The following ST8SIA5 variants were observed in gnomAD, a reference collection of about 807,000 sequenced individuals.
ST8SIA5 encodes the protein ST8 alpha-N-acetyl-neuraminide alpha-2,8-sialyltransferase 5.
In ST8SIA5, 24 loss-of-function variants were observed where a neutral mutation model predicts 40.2. The ratio of observed to expected loss-of-function variants is 0.60; its 90% CI spans 0.43 to 0.84. ST8SIA5 has a LOEUF of 0.84. ST8SIA5 is among the 40% of genes least tolerant of loss of function. The probability of loss-of-function intolerance (pLI) is 0.00; values close to 1 mark genes in which losing one functional copy is unlikely to be tolerated. For missense variants in ST8SIA5, 465 were observed against 498.5 expected (o/e 0.93, Z 0.64); for synonymous variants, 198 against 201.8 (o/e 0.98, Z 0.16).
chr18:46,680,276 G>T lies in ST8SIA5; in HGVS notation c.897C>A (p.Ile299=). 1.9e-6 allele frequency: 3 copies of T among 1,614,226 alleles called. No individual in the cohort carries two copies. Among genetic ancestry groups the T allele is most frequent in the Non-Finnish European group, 2.5e-6 (3 of 1,180,044 alleles). The change falls in exon 7 of 7, where the codon ATC becomes ATA. Residue 299 remains isoleucine (I), a synonymous_variant. Transcript: ENST00000315087. The part of the protein sequence containing the change: ...WLSLGVRAKR[I]STGLILVTAA... ...CAGTGACCAGAATGAGGCCGGTGCTGATGCGCTTGGCGCGCACCCCCAGGC... is the reference window on the plus strand; with the variant it reads ...CAGTGACCAGAATGAGGCCGGTGCTTATGCGCTTGGCGCGCACCCCCAGGC...
chr18:46,684,840 G>T (rs1053634391), intron 5 of ST8SIA5, among the ~76,000 whole-genome samples: 55 of 152,286 alleles, frequency 3.6e-4, no homozygotes, highest in African/African-American at 1.3e-3. Context: ...TGGACACCAG[G>T]TTCCGTGGGA....
At chr18:46,742,536 G>A (rs1279217362) in intron 1 of ST8SIA5, among the ~76,000 whole-genome samples, 4 of 152,112 alleles carry the variant, frequency 2.6e-5, no homozygotes, top group Non-Finnish European at 5.9e-5. Context: ...TACCTGATAA[G>A]CGACTTATAC....
At position 46,671,935 on chromosome 18, in the gene ST8SIA5, C is replaced by A. The variant is rs2039311493; in HGVS notation, c.*8107G>T. The A allele has an allele frequency of 2.0e-5, 3 of 152,224 alleles. No homozygotes were observed. Among genetic ancestry groups the A allele is most frequent in the Non-Finnish European group, 4.4e-5 (3 of 68,098 alleles). 9.4% of individuals were successfully genotyped at this position (152,224 alleles called of 1,614,324 possible). ...TGAGCCTCCAAGTGCAGTCCCTGGA[C>A]CAGCATTGGCATCACCTGGGAACTT... On this transcript the variant is annotated 3_prime_UTR_variant, in exon 7 of 7. Coordinates refer to ENST00000315087, the MANE Select transcript of ST8SIA5 (RefSeq NM_013305.6).
chr18:46,747,410 G>A (rs927120574), intron 1 of ST8SIA5, among the ~76,000 whole-genome samples: 2 of 152,142 alleles, frequency 1.3e-5, no homozygotes, highest in African/African-American at 2.4e-5. Context: ...AGTGGGCAAA[G>A]GATATGAACA....
chr18:46,697,112 T>G (rs1232201234), intron 2 of ST8SIA5, among the ~76,000 whole-genome samples: 1 of 140,108 alleles, frequency 7.1e-6, no homozygotes, highest in South Asian at 2.4e-4. Context: ...ATCAGACTAT[T>G]AGTTCCTCTG....
chr18:46,750,615 A>G (rs1359167368), intron 1 of ST8SIA5, among the ~76,000 whole-genome samples: 1 of 151,910 alleles, frequency 6.6e-6, no homozygotes, highest in Admixed American at 6.6e-5. Context: ...AGACACCTCA[A>G]TCCTATCCCA....
rs1043663869 is a variant in ST8SIA5, at chr18:46,670,994, A to G, written c.*9048T>C. 2.0e-5 allele frequency: 3 copies of G among 152,224 alleles called. No individual in the cohort carries two copies. Among genetic ancestry groups the G allele is most frequent in the Non-Finnish European group, 2.9e-5 (2 of 68,040 alleles). The allele number at this position is 152,224 out of a possible 1,614,324, so 9.4% of individuals were successfully genotyped here. ...GCAAAATGGTTGGCCCTTGATACAC[A>G]GCTTTATAGCATCTATTTTCAGGGG... On this transcript the variant is annotated 3_prime_UTR_variant, in exon 7 of 7. Transcript: ENST00000315087.
At position 46,671,692 on chromosome 18, in the gene ST8SIA5, C is replaced by T. The variant is rs528772870; in HGVS notation, c.*8350G>A. 2.7e-4 allele frequency: 41 copies of T among 152,354 alleles called. No homozygotes were observed. The highest frequency in any genetic ancestry group is 9.1e-4 in the African/African-American group (38 of 41,578). 9.4% of individuals were successfully genotyped at this position (152,354 alleles called of 1,614,324 possible). A position where few individuals can be genotyped will look rare whatever the true frequency, so the allele number is the denominator to read the frequency against. ...CTTAATTCAGGCAGACTCTGAGGCT[C>T]CTAGCCCCGGGAGAAGAAATCTATG... On this transcript the variant is annotated 3_prime_UTR_variant, in exon 7 of 7. Coordinates refer to ENST00000315087, the MANE Select transcript of ST8SIA5 (RefSeq NM_013305.6).
intron 1 of ST8SIA5, among the ~76,000 whole-genome samples, chr18:46,745,807 A>G (rs535371912): frequency 1.1e-4 from 16 of 152,226 alleles, no homozygotes; most frequent in Non-Finnish European, 2.1e-4. Flanking sequence ...CATCGATGCA[A>G]AAGTCCTCAA....
chr18:46,733,073 C>G (rs2040000433), intron 1 of ST8SIA5, among the ~76,000 whole-genome samples: 1 of 152,182 alleles, frequency 6.6e-6, no homozygotes, highest in Non-Finnish European at 1.5e-5. Context: ...AGGGCCAGCA[C>G]AGCCCAGGGG....
At chr18:46,711,727 G>C (rs1482049434) in intron 1 of ST8SIA5, among the ~76,000 whole-genome samples, 1 of 152,202 alleles carries the variant, frequency 6.6e-6, no homozygotes, top group African/African-American at 2.4e-5. Flanking sequence ...AGAGAGGCAA[G>C]AACAGCTCAG....
At chr18:46,697,278 T>C (rs977007168) in intron 2 of ST8SIA5, among the ~76,000 whole-genome samples, 3 of 152,168 alleles carry the variant, frequency 2.0e-5, no homozygotes, top group African/African-American at 7.2e-5. Context: ...AAGGGTCACC[T>C]GGTCAACCTG....
intron 1 of ST8SIA5, among the ~76,000 whole-genome samples, chr18:46,729,974 T>C (rs1053879914): frequency 1.3e-5 from 2 of 151,960 alleles, no homozygotes; most frequent in African/African-American, 4.8e-5. Context: ...TCCCAGAAAT[T>C]GTTAGTTCTC....
At chr18:46,703,285 A>C (rs1046431383) in intron 2 of ST8SIA5, among the ~76,000 whole-genome samples, 1 of 152,142 alleles carries the variant, frequency 6.6e-6, no homozygotes, top group South Asian at 2.1e-4. Context: ...AGCTGGGACT[A>C]CAGGCGCCTG....
intron 1 of ST8SIA5, chr18:46,721,535 G>A: frequency 7.4e-7 from 1 of 1,346,250 alleles, no homozygotes; most frequent in Non-Finnish European, 1.0e-6. Flanking sequence ...CTACCAGAGA[G>A]CCACATTCTG....
chr18:46,689,849 A>C (rs1278625290), intron 3 of ST8SIA5, among the ~76,000 whole-genome samples: 1 of 151,264 alleles, frequency 6.6e-6, no homozygotes, highest in Non-Finnish European at 1.5e-5. Flanking sequence ...TCAGACTCCC[A>C]AAGTGCTGGG....
In ST8SIA5 at chr18:46,756,551, G is replaced by T; in HGVS notation, c.-43C>A. Reference sequence around the variant, plus strand: ...GCGGGCGCGGGGTACGGGGCGGCCAGGCAATGACTCGCGGGGTTCCGGGGC... The same window carrying T: ...GCGGGCGCGGGGTACGGGGCGGCCATGCAATGACTCGCGGGGTTCCGGGGC... On this transcript the variant is annotated 5_prime_UTR_variant, in exon 1 of 7. The change creates a new upstream start codon in the 5' untranslated region. Transcript: ENST00000315087. The T allele has an allele frequency of 6.2e-7, 1 of 1,604,912 alleles. No individual in the cohort carries two copies. The highest frequency in any genetic ancestry group is 8.5e-7 in the Non-Finnish European group (1 of 1,175,224).
At chr18:46,737,326 G>A (rs571463115) in intron 1 of ST8SIA5, among the ~76,000 whole-genome samples, 1 of 152,204 alleles carries the variant, frequency 6.6e-6, no homozygotes, top group African/African-American at 2.4e-5. Context: ...ACAAAATTGC[G>A]AGTTTATTTA....
intron 1 of ST8SIA5, among the ~76,000 whole-genome samples, chr18:46,734,027 G>A (rs548521656): frequency 7.2e-5 from 11 of 152,018 alleles, no homozygotes; most frequent in South Asian, 4.2e-4. Context: ...CCTACCTCCC[G>A]AAGCCCTCCA....
Sources: gnomAD v4.1 joint callset for allele counts (sites outside exome capture counted in the v4.1 genomes callset) on GRCh38, gnomAD v4.1.1 for gene constraint, MANE v1.5 for transcripts, NCBI Gene and HGNC (gene_info 2026-07-23, HGNC 2026-07-21) for gene names.